Variants in FARP1 observed in about 807,000 individuals in gnomAD.
The protein encoded by FARP1 is FERM, ARH/RhoGEF and pleckstrin domain protein 1, also known as FERM, ARHGEF and pleckstrin domain-containing protein 1.
FARP1 carries 52 observed loss-of-function variants against 128.8 expected under a neutral mutation model. That is an observed-to-expected ratio of 0.40 (90% CI 0.32 to 0.51). The LOEUF is 0.51. FARP1 is among the 20% of genes least tolerant of loss of function. The pLI, the probability that FARP1 is intolerant of heterozygous loss-of-function variation, is 0.45. For synonymous variants in FARP1, 580 were observed against 551.8 expected, an observed-to-expected ratio of 1.05 and a Z score of -0.72; for missense variants, 1,333 against 1,367.9, an observed-to-expected ratio of 0.97 and a Z score of 0.40.
intron 1 of FARP1, among the ~76,000 whole-genome samples, chr13:98,195,559 C>T (rs1261050288): frequency 1.3e-5 from 2 of 152,126 alleles, no homozygotes; most frequent in Non-Finnish European, 2.9e-5. Context: ...GTTGTTGGAG[C>T]GCCTTTCTGA....
chr13:98,422,210 T>C (rs1343234674), intron 16 of FARP1, among the ~76,000 whole-genome samples: 2 of 152,212 alleles, frequency 1.3e-5, no homozygotes, highest in African/African-American at 4.8e-5. Flanking sequence ...AAGCTTCCCG[T>C]AGCAGATGAG....
chr13:98,358,109 A>G (rs1259171333), intron 3 of FARP1, among the ~76,000 whole-genome samples: 1 of 149,472 alleles, frequency 6.7e-6, no homozygotes, highest in Admixed American at 6.7e-5. Flanking sequence ...TACTTCCCAC[A>G]CATTCAAGGA....
intron 16 of FARP1, among the ~76,000 whole-genome samples, chr13:98,420,677 G>T (rs7981982): frequency 0.46 from 70,537 of 152,000 alleles, 16,890 homozygotes; most frequent in African/African-American, 0.58. Flanking sequence ...TTTTCATCTT[G>T]GTTGCTGTGT....
chr13:98,294,555 A>G (rs1566843264), intron 2 of FARP1, among the ~76,000 whole-genome samples: 1 of 152,346 alleles, frequency 6.6e-6, no homozygotes, highest in East Asian at 1.9e-4. Context: ...GGCACAAGTC[A>G]TTATAGGGAA....
At chr13:98,318,027 C>T (rs1044299499) in intron 2 of FARP1, among the ~76,000 whole-genome samples, 1 of 149,072 alleles carries the variant, frequency 6.7e-6, no homozygotes, top group Non-Finnish European at 1.5e-5. Flanking sequence ...CTCCTTCTTC[C>T]TCCTCCTCCC....
At position 98,439,118 on chromosome 13, in the gene FARP1, C is replaced by T; in HGVS notation, c.2355C>T (p.Val785=). ...TCTGATTCCTCCAGTTCAACGACGT[C>T]CTGCTATACACGAGCCGGGGGCTGA... ...QQRMFFLFND[V]LLYTSRGLTA... is the part of the protein sequence containing the mutation. The change falls in exon 21 of 27, where the codon GTC becomes GTT. Residue 785 remains valine (V), a synonymous_variant. Transcript: ENST00000319562. 4 of 1,613,744 alleles carry T rather than the reference C, an allele frequency of 2.5e-6. No homozygotes were observed. The highest frequency in any genetic ancestry group is 3.4e-6 in the Non-Finnish European group (4 of 1,179,778).
At chr13:98,418,758 C>T (rs9513419) in intron 16 of FARP1, among the ~76,000 whole-genome samples, 25,630 of 152,174 alleles carry the variant, frequency 0.17, 2,314 homozygotes, top group Middle Eastern at 0.26. Context: ...AAGCCCTCTC[C>T]GGGTCACTAG....
At chr13:98,161,261 G>A (rs577591749) in intron 1 of FARP1, among the ~76,000 whole-genome samples, 33 of 146,258 alleles carry the variant, frequency 2.3e-4, no homozygotes, top group Middle Eastern at 7.1e-3. Context: ...TGTTGCCCAA[G>A]CCAGAGTGCA....
chr13:98,407,893 G>T (rs1160076058), intron 13 of FARP1, among the ~76,000 whole-genome samples: 2 of 152,186 alleles, frequency 1.3e-5, no homozygotes, highest in Admixed American at 1.3e-4. Flanking sequence ...TAGGTAGGCT[G>T]TTGTATCTTG....
intron 2 of FARP1, among the ~76,000 whole-genome samples, chr13:98,321,708 T>C (rs977681184): frequency 2.0e-5 from 3 of 152,266 alleles, no homozygotes; most frequent in Admixed American, 6.5e-5. Context: ...TGGCCTCATA[T>C]GACTTTTGTA....
chr13:98,281,716 A>G (rs1455939606), intron 2 of FARP1, among the ~76,000 whole-genome samples: 1 of 152,226 alleles, frequency 6.6e-6, no homozygotes, highest in Non-Finnish European at 1.5e-5. Context: ...GGCATTTGAC[A>G]ATACAGGGGA....
At chr13:98,359,298 C>T (rs1476719516) in intron 3 of FARP1, among the ~76,000 whole-genome samples, 1 of 152,186 alleles carries the variant, frequency 6.6e-6, no homozygotes, top group Non-Finnish European at 1.5e-5. Flanking sequence ...CTGCCTGGCA[C>T]ACAGTGGGTG....
intron 5 of FARP1, among the ~76,000 whole-genome samples, chr13:98,376,265 C>G (rs149345728): frequency 6.6e-6 from 1 of 152,138 alleles, no homozygotes; most frequent in African/African-American, 2.4e-5. Flanking sequence ...ATTAACTATC[C>G]CCACTCCCTC....
intron 1 of FARP1, among the ~76,000 whole-genome samples, chr13:98,196,476 G>C (rs1879575334): frequency 1.3e-5 from 2 of 152,082 alleles, no homozygotes; most frequent in Non-Finnish European, 2.9e-5. Flanking sequence ...ATAAAGCTCT[G>C]AGAACAGTGC....
intron 5 of FARP1, 38 bp downstream of exon 5, chr13:98,368,233 G>A (rs370525714): frequency 6.9e-6 from 10 of 1,440,694 alleles, no homozygotes; most frequent in Admixed American, 1.8e-5. Flanking sequence ...TTGCTACAGA[G>A]TACAGAGGAA....
At chr13:98,358,083 T>C (rs1334791469) in intron 3 of FARP1, among the ~76,000 whole-genome samples, 1 of 151,954 alleles carries the variant, frequency 6.6e-6, no homozygotes, top group Non-Finnish European at 1.5e-5. Context: ...TTTTTTTTTT[T>C]TTTCCTGACC....
chr13:98,262,732 A>G (rs1332039042), intron 2 of FARP1, among the ~76,000 whole-genome samples: 2 of 152,210 alleles, frequency 1.3e-5, no homozygotes, highest in Non-Finnish European at 2.9e-5. Flanking sequence ...ATTTTTTTCA[A>G]GAAGTAAAAT....
intron 8 of FARP1, 66 bp downstream of exon 8, chr13:98,385,880 T>C: frequency 6.5e-7 from 1 of 1,543,424 alleles, no homozygotes; most frequent in Non-Finnish European, 8.9e-7. Flanking sequence ...GCCCTTCAAC[T>C]CTGATTCATA....
intron 2 of FARP1, among the ~76,000 whole-genome samples, chr13:98,246,963 C>G (rs1257371008): frequency 1.3e-5 from 2 of 152,226 alleles, no homozygotes; most frequent in Admixed American, 1.3e-4. Context: ...CAGTTGCTCA[C>G]GCCTGTAATC....
Sources: allele counts gnomAD v4.1 joint callset (sites outside exome capture counted in the v4.1 genomes callset), GRCh38; gene constraint gnomAD v4.1.1; transcripts MANE v1.5; gene names NCBI Gene and HGNC (gene_info 2026-07-23, HGNC 2026-07-21).